Variants in RGPD4 observed in about 807,000 individuals in gnomAD.
The protein encoded by RGPD4 is RANBP2 like and GRIP domain containing 4.
Under a neutral mutation model 141.1 loss-of-function variants are expected in RGPD4, and 84 were observed. The observed-to-expected ratio is 0.60, with a 90% CI of 0.50 to 0.71. The LOEUF is 0.71. RGPD4 is among the 30% of genes least tolerant of loss of function. The pLI is 0.00. For synonymous variants in RGPD4, 298 were observed against 566.8 expected, an observed-to-expected ratio of 0.53 and a Z score of 6.74; for missense variants, 918 against 1,622.4, an observed-to-expected ratio of 0.57 and a Z score of 7.46.
intron 21 of RGPD4, among the ~76,000 whole-genome samples, chr2:107,880,937 G>C (rs570748280): frequency 6.6e-6 from 1 of 151,746 alleles, no homozygotes; most frequent in South Asian, 2.1e-4. Flanking sequence ...CATACTGCTT[G>C]TTGAGGAGTT....
rs202115826 is a variant in RGPD4, at chr2:107,827,101, A to G, written c.72+16A>G. 4,608 of 1,581,766 alleles carry G rather than the reference A, an allele frequency of 2.9e-3. 193 individuals carry two copies. In the African/African-American group the frequency reaches 0.055, roughly 19 times the overall value. ...GCCTCGAAAGGTGAGTGGATCTCGA[A>G]GAGACCGACGGCCTCGACCTGGCCG... On this transcript the variant is annotated intron_variant, in intron 1 of 22. Coordinates refer to ENST00000408999, the MANE Select transcript of RGPD4 (RefSeq NM_182588.3).
At position 107,870,948 on chromosome 2, in the gene RGPD4, G is replaced by A. The variant is rs1462564790; in HGVS notation, c.2944G>A (p.Glu982Lys). ...FADVAKSTSG[E>K]GFQFGKKDPN... ...AGATGTTGCAAAATCAACTTCAGGA[G>A]AAGGATTTCAGTTTGGCAAAAAAGA... is the stretch of plus-strand genomic sequence containing the variant. Residue 982 changes from glutamate to lysine, a missense_variant, in exon 20 of 23, where the codon GAA (glutamate) becomes AAA (lysine). Physicochemically the swap from Glu to Lys is moderately conservative, Grantham distance 56. Coordinates refer to ENST00000408999, the MANE Select transcript of RGPD4 (RefSeq NM_182588.3). 3 of 1,609,890 alleles carry A rather than the reference G, an allele frequency of 1.9e-6. No individual in the cohort carries two copies. The highest frequency in any genetic ancestry group is 1.7e-5 in the Admixed American group (1 of 59,804).
At chr2:107,889,855 A>G (rs1675603978) in intron 22 of RGPD4, among the ~76,000 whole-genome samples, 1 of 151,502 alleles carries the variant, frequency 6.6e-6, no homozygotes, top group Admixed American at 6.6e-5. Flanking sequence ...TCTAAGTTGT[A>G]TATAAGCTTC....
At chr2:107,847,900 T>G (rs1350306224) in intron 6 of RGPD4, among the ~76,000 whole-genome samples, 2 of 123,946 alleles carry the variant, frequency 1.6e-5, no homozygotes, top group African/African-American at 3.2e-5. Context: ...AATTACTGTA[T>G]TGATACTCAA....
In RGPD4 at chr2:107,871,917, T is replaced by A; in HGVS notation, c.3913T>A (p.Ser1305Thr). 1 of 1,611,540 alleles carries A rather than the reference T, an allele frequency of 6.2e-7. No individual in the cohort carries two copies. Among genetic ancestry groups the A allele is most frequent in the Non-Finnish European group, 8.5e-7 (1 of 1,179,856 alleles). Reference sequence around the variant, plus strand: ...TAAATCTGCTTTGAGTCCATCTAAGTCTCCTGCCAAGTTGAATCAGAGTGG... The same window carrying A: ...TAAATCTGCTTTGAGTCCATCTAAGACTCCTGCCAAGTTGAATCAGAGTGG... ...SFKSALSPSK[S>T]PAKLNQSGTS... The change falls in exon 20 of 23, where the codon TCT becomes ACT. Residue 1305 changes from serine to threonine, a missense_variant. Transcript: ENST00000408999.
intron 9 of RGPD4, among the ~76,000 whole-genome samples, chr2:107,858,114 A>G (rs989259299): frequency 4.0e-4 from 61 of 152,088 alleles, no homozygotes; most frequent in Admixed American, 3.9e-4. Context: ...CTGTATTAAA[A>G]CTATAAATAT....
intron 22 of RGPD4, among the ~76,000 whole-genome samples, chr2:107,885,155 T>G (rs1675477932): frequency 6.6e-6 from 1 of 152,038 alleles, no homozygotes; most frequent in Admixed American, 6.6e-5. Flanking sequence ...ACAAATTCAC[T>G]GTCTTTAATT....
rs1456095315 is a variant in RGPD4, at chr2:107,880,110, G to A, written c.5064+3G>A. 1 of 1,611,406 alleles carries A rather than the reference G, an allele frequency of 6.2e-7. No homozygotes were observed. The highest frequency in any genetic ancestry group is 2.2e-5 in the East Asian group (1 of 44,864). ...CAGTCCTTATGGAGCAAATTAAGGT[G>A]AGATCAGAAAACCTGGCCACCATGA... On this transcript the variant is annotated splice_donor_region_variant and intron_variant, in intron 21 of 22. Transcript: ENST00000408999.
chr2:107,845,859 C>T (rs1404447353), intron 6 of RGPD4, among the ~76,000 whole-genome samples: 9 of 151,726 alleles, frequency 5.9e-5, no homozygotes, highest in East Asian at 1.9e-4. Context: ...CCACCGCGCC[C>T]AGCCCACACC....
intron 6 of RGPD4, among the ~76,000 whole-genome samples, chr2:107,846,227 G>A (rs1236220822): frequency 6.7e-6 from 1 of 148,484 alleles, no homozygotes; most frequent in Non-Finnish European, 1.5e-5. Context: ...CGCCCGGCTG[G>A]TCTCGATCTC....
chr2:107,863,537 G>A (rs1172365950), intron 17 of RGPD4, among the ~76,000 whole-genome samples: 1 of 150,258 alleles, frequency 6.7e-6, no homozygotes, highest in Non-Finnish European at 1.5e-5. Flanking sequence ...CTGTTGCCCA[G>A]GCTGGAGTGC....
At chr2:107,858,624 G>A (rs1486528072) in intron 9 of RGPD4, among the ~76,000 whole-genome samples, 3 of 151,870 alleles carry the variant, frequency 2.0e-5, no homozygotes, top group East Asian at 1.9e-4. Flanking sequence ...ATTTTTAGTA[G>A]AGGCGGAGTT....
In RGPD4 at chr2:107,829,362, T is replaced by G. The variant is rs78352114; in HGVS notation, c.72+2277T>G. Among the ~76,000 whole-genome samples, 81 of 19,282 alleles carry G rather than the reference T, an allele frequency of 4.2e-3. 2 individuals are homozygous for G. The highest frequency in any genetic ancestry group is 0.018 in the African/African-American group (58 of 3,206). 12.6% of individuals were successfully genotyped at this position (19,282 alleles called of 152,430 possible). A position where few individuals can be genotyped will look rare whatever the true frequency, so the allele number is the denominator to read the frequency against. On this transcript the variant is annotated intron_variant, in intron 1 of 22. Coordinates refer to ENST00000408999, the MANE Select transcript of RGPD4 (RefSeq NM_182588.3). ...CGCGCTCTGTTGAGGCGGCGGCCTC[T>G]ACCTGGCCCGGCGGCGGCCTCGATG... is the stretch of plus-strand genomic sequence containing the variant.
intron 1 of RGPD4, among the ~76,000 whole-genome samples, chr2:107,829,717 C>A (rs942603665): frequency 1.3e-5 from 2 of 152,080 alleles, no homozygotes; most frequent in Admixed American, 6.5e-5. Flanking sequence ...CCTTTGGCGC[C>A]GGCGCTTCCT....
rs1361661329 is a variant in RGPD4 at position 107,850,638 on chromosome 2, A to AT, written c.978+2107dup. Among the ~76,000 whole-genome samples, 3 of 40,510 alleles carry AT rather than the reference A, an allele frequency of 7.4e-5. 1 individual carries two copies. The highest frequency in any genetic ancestry group is 2.6e-4 in the African/African-American group (3 of 11,342). 26.6% of individuals were successfully genotyped at this position (40,510 alleles called of 152,430 possible). The stretch of plus-strand genomic sequence containing the variant: ...AATTCTCAAGTAACTGATAGTTCTT[A>AT]TTTTTATTTATTTTATTTTTTTTTT... On this transcript the variant is annotated intron_variant, in intron 7 of 22. Transcript: ENST00000408999.
intron 20 of RGPD4, 70 bp from the exon 21 acceptor site, chr2:107,879,898 T>C: frequency 6.4e-7 from 1 of 1,572,642 alleles, no homozygotes; most frequent in African/African-American, 1.4e-5. Context: ...ATATTTAGAT[T>C]TTTCTTATTT....
chr2:107,847,929 C>T (rs1220337232), intron 6 of RGPD4, among the ~76,000 whole-genome samples: 1 of 128,264 alleles, frequency 7.8e-6, no homozygotes, highest in Non-Finnish European at 1.6e-5. Flanking sequence ...CAATTATTTA[C>T]TTATAATTTG....
In RGPD4 at chr2:107,875,748, C is replaced by T. The variant is rs1041566223; in HGVS notation, c.4924+2820C>T. Among the ~76,000 whole-genome samples, 17 of 105,258 alleles carry T rather than the reference C, an allele frequency of 1.6e-4. No homozygotes were observed. In the East Asian group the frequency reaches 4.0e-3, roughly 25 times the overall value. The allele number at this position is 105,258 out of a possible 152,430, so 69.1% of individuals were successfully genotyped here. ...AATTTTATCTAGTATCATGCTTGAA[C>T]ACAGGCAAACTAGATGCAACTCTAG... On this transcript the variant is annotated intron_variant, in intron 20 of 22. Transcript: ENST00000408999.
Position 107,879,996 on chromosome 2 carries a change from C to A in RGPD4, c.4953C>A (p.Thr1651=), listed in dbSNP as rs776454617. 1.2e-6 allele frequency: 2 copies of A among 1,611,068 alleles called. No homozygotes were observed. The highest frequency in any genetic ancestry group is 2.2e-5 in the South Asian group (2 of 90,946). Residue 1651 remains threonine, a synonymous_variant, in exon 21 of 23, where the codon ACC becomes ACA. Transcript: ENST00000408999. The part of the protein sequence containing the change: ...KEPPLWHAEF[T]KEELVQKLSS... ...CTCCATTATGGCATGCTGAATTTAC[C>A]AAAGAAGAATTGGTTCAGAAGCTCA...
Sources: gnomAD v4.1 joint callset for allele counts (sites outside exome capture counted in the v4.1 genomes callset) on GRCh38, gnomAD v4.1.1 for gene constraint, MANE v1.5 for transcripts, NCBI Gene and HGNC (gene_info 2026-07-23, HGNC 2026-07-21) for gene names.